Variants in PPP1R42 observed in about 807,000 individuals in gnomAD.
The protein encoded by PPP1R42 is leucine rich repeat containing 67.
Under a neutral mutation model 31.0 loss-of-function variants are expected in PPP1R42, and 34 were observed. That is an observed-to-expected ratio of 1.10 (90% CI 0.83 to 1.46). The LOEUF is 1.46. Among genes scored for constraint, PPP1R42 ranks in the 40% most tolerant of loss-of-function variants. PPP1R42 has a pLI of 0.00. For synonymous variants in PPP1R42, 103 were observed against 109.8 expected, an observed-to-expected ratio of 0.94 and a Z score of 0.39; for missense variants, 268 against 303.0, an observed-to-expected ratio of 0.88 and a Z score of 0.86.
intron 7 of PPP1R42, among the ~76,000 whole-genome samples, chr8:66,965,525 C>T (rs1243249309): frequency 4.0e-5 from 6 of 150,512 alleles, no homozygotes; most frequent in Admixed American, 6.6e-5. Context: ...CAGGCTTGAA[C>T]TCCGGGGATC....
At chr8:67,010,961 C>T in intron 4 of PPP1R42, 130 bp from the exon 5 acceptor site, 1 of 785,458 alleles carries the variant, frequency 1.3e-6, no homozygotes, top group Admixed American at 3.5e-5. Flanking sequence ...GCAAAAACAT[C>T]AAAAGCCATG....
At chr8:67,021,660 C>T (rs2129537167) in intron 1 of PPP1R42, among the ~76,000 whole-genome samples, 1 of 152,206 alleles carries the variant, frequency 6.6e-6, no homozygotes, top group South Asian at 2.1e-4. Context: ...TGAAACCCCT[C>T]TATACCTTTC....
chr8:66,985,666 T>C (rs1178099927), intron 6 of PPP1R42: 7 of 1,333,176 alleles, frequency 5.3e-6, no homozygotes, highest in Non-Finnish European at 7.5e-6. Flanking sequence ...CTGGGAGGGC[T>C]GAATAGTGTG....
chr8:67,025,302 G>A lies in PPP1R42; in HGVS notation c.-85+3189C>T, dbSNP rs555029588. On this transcript the variant is annotated intron_variant, in intron 1 of 7. Coordinates refer to ENST00000685739, the MANE Select transcript of PPP1R42 (RefSeq NM_001364910.1). ...TTTTTCTTTTCTTTTTTTACAGACA[G>A]GGTCTCATTATGTTGCCTAGGCTGG... Among the ~76,000 whole-genome samples the A allele has an allele frequency of 3.3e-5, 5 of 150,132 alleles. No individual in the cohort carries two copies. In the East Asian group the frequency reaches 6.0e-4, roughly 18 times the overall value.
chr8:66,966,526 C>T (rs1033036938), intron 7 of PPP1R42, among the ~76,000 whole-genome samples: 7 of 152,144 alleles, frequency 4.6e-5, no homozygotes, highest in Admixed American at 3.9e-4. Context: ...TGGTTCACGC[C>T]TGTAATCCCC....
intron 7 of PPP1R42, among the ~76,000 whole-genome samples, chr8:66,967,353 T>C (rs756164970): frequency 6.5e-4 from 99 of 152,340 alleles, no homozygotes; most frequent in Admixed American, 2.7e-3. Context: ...AATGGTTCTT[T>C]GAGAACTGCA....
chr8:66,991,083 G>A (rs1815176370), intron 5 of PPP1R42, among the ~76,000 whole-genome samples: 1 of 152,128 alleles, frequency 6.6e-6, no homozygotes, highest in South Asian at 2.1e-4. Context: ...AACCAATGAA[G>A]TAAATCACTA....
intron 6 of PPP1R42, chr8:66,985,995 T>C: frequency 2.7e-6 from 2 of 742,952 alleles, no homozygotes; most frequent in Admixed American, 3.6e-5. Flanking sequence ...AGACTTGGAA[T>C]GCCTAGAGCT....
intron 6 of PPP1R42, chr8:66,985,471 G>T: frequency 2.1e-6 from 2 of 943,928 alleles, no homozygotes; most frequent in Admixed American, 1.8e-5. Context: ...CAGTGGTGTA[G>T]GTTTAATTTG....
chr8:67,011,775 A>T (rs1815849841), intron 4 of PPP1R42, among the ~76,000 whole-genome samples: 1 of 152,172 alleles, frequency 6.6e-6, no homozygotes, highest in Non-Finnish European at 1.5e-5. Context: ...GTCAATCATC[A>T]ATTCATGGCC....
At chr8:66,992,665 G>A (rs1815225017) in intron 5 of PPP1R42, among the ~76,000 whole-genome samples, 1 of 152,158 alleles carries the variant, frequency 6.6e-6, no homozygotes, top group African/African-American at 2.4e-5. Context: ...CTGGACCACA[G>A]CAGAATGTAA....
At chr8:67,006,840 G>C (rs961629685) in intron 5 of PPP1R42, among the ~76,000 whole-genome samples, 2 of 141,482 alleles carry the variant, frequency 1.4e-5, no homozygotes, top group Non-Finnish European at 3.0e-5. Context: ...TATGCCTCCC[G>C]GGTTCACACC....
At chr8:66,964,774 G>A (rs1032963745) in intron 7 of PPP1R42, among the ~76,000 whole-genome samples, 3 of 151,946 alleles carry the variant, frequency 2.0e-5, no homozygotes, top group African/African-American at 4.8e-5. Context: ...TTCTCTCATT[G>A]TTTAAATTGT....
Position 67,010,771 on chromosome 8 carries a change from G to C in PPP1R42, c.496C>G (p.Leu166Val). The C allele has an allele frequency of 6.2e-7, 1 of 1,607,728 alleles. No individual in the cohort carries two copies. The highest frequency in any genetic ancestry group is 1.7e-5 in the Admixed American group (1 of 59,500). The change falls in exon 5 of 8, where the codon CTA (leucine) becomes GTA (valine). Residue 166 changes from leucine (L) to valine (V), a missense_variant. Leu to Val is a conservative substitution (Grantham distance 32). Transcript: ENST00000685739. ...NNIDDITDLE[L>V]LENLNQLIAV... ...ATGAGCTGATTAAGATTCTCTAGTA[G>C]TTCTAAGTCTGTAATGTCATCAATA...
chr8:66,988,486 T>G lies in PPP1R42; in HGVS notation c.584A>C (p.Lys195Thr). Residue 195 changes from lysine to threonine, a missense_variant, in exon 6 of 8, where the codon AAG (lysine) becomes ACG (threonine). Physicochemically the swap from Lys to Thr is moderately conservative, Grantham distance 78. Coordinates refer to ENST00000685739, the MANE Select transcript of PPP1R42 (RefSeq NM_001364910.1). ...TCCATTTAGATCAATTTTCCACAGC[T>G]TCATCAACTTGTTCAGTAAAAACTC... Reference protein sequence around the residue: ...DLEFLLNKLMKLWKIDLNGNP... With the variant: ...DLEFLLNKLMTLWKIDLNGNP... 6.2e-7 allele frequency: 1 copy of G among 1,611,436 alleles called. No homozygotes were observed. The highest frequency in any genetic ancestry group is 8.5e-7 in the Non-Finnish European group (1 of 1,178,906).
intron 1 of PPP1R42, among the ~76,000 whole-genome samples, chr8:67,025,261 AAGCTTAAT>A (rs1420451984): frequency 6.6e-6 from 1 of 151,292 alleles, no homozygotes; most frequent in East Asian, 1.9e-4. Context: ...TTTTTCATCT[AAGCTTAAT>A]AAGGAGGTTT....
chr8:67,001,685 A>C (rs1815495988), intron 5 of PPP1R42, among the ~76,000 whole-genome samples: 1 of 152,200 alleles, frequency 6.6e-6, no homozygotes, highest in Non-Finnish European at 1.5e-5. Context: ...TTCACGTATA[A>C]TGTAAGAACT....
At chr8:67,000,658 A>C (rs1815457052) in intron 5 of PPP1R42, among the ~76,000 whole-genome samples, 1 of 151,810 alleles carries the variant, frequency 6.6e-6, no homozygotes, top group African/African-American at 2.4e-5. Context: ...GGGTTTCACT[A>C]TGTTGCCCAG....
At chr8:66,988,569 C>T (rs771642110) in intron 5 of PPP1R42, 52 bp from the exon 6 acceptor site, 4 of 1,466,734 alleles carry the variant, frequency 2.7e-6, no homozygotes, top group Non-Finnish European at 3.7e-6. Flanking sequence ...TTTACCAATA[C>T]TTCTAGCATG....
Sources: allele counts gnomAD v4.1 joint callset (sites outside exome capture counted in the v4.1 genomes callset), GRCh38; gene constraint gnomAD v4.1.1; transcripts MANE v1.5; gene names NCBI Gene and HGNC (gene_info 2026-07-23, HGNC 2026-07-21).